MTHFD1L: variants seen among roughly 807,000 people sequenced by gnomAD.
MTHFD1L encodes the protein methylenetetrahydrofolate dehydrogenase (NADP+ dependent) 1 like.
Under a neutral mutation model 119.5 loss-of-function variants are expected in MTHFD1L, and 81 were observed. The ratio of observed to expected loss-of-function variants is 0.68; its 90% CI spans 0.57 to 0.82. MTHFD1L has a LOEUF of 0.82. Ranked by LOEUF, MTHFD1L falls within the 40% of genes least tolerant of loss-of-function variation. MTHFD1L has a pLI of 0.00. For synonymous variants in MTHFD1L, 430 were observed against 475.2 expected (o/e 0.90, Z 1.24); for missense variants, 1,125 against 1,253.4 (o/e 0.90, Z 1.55).
In MTHFD1L at chr6:151,029,756, A is replaced by G. The variant is rs140268853; in HGVS notation, c.2587-4737A>G. Reference sequence around the variant, plus strand: ...GGTTGCAGTCAGCCAAGATCTCGCCATTCCACTCCACCCTGGGTGACAGAG... The same window carrying G: ...GGTTGCAGTCAGCCAAGATCTCGCCGTTCCACTCCACCCTGGGTGACAGAG... On this transcript the variant is annotated intron_variant, in intron 24 of 27. Transcript: ENST00000367321. Among the ~76,000 whole-genome samples, 923 of 152,340 alleles carry G rather than the reference A, an allele frequency of 6.1e-3. 15 individuals carry two copies. Among genetic ancestry groups the G allele is most frequent in the African/African-American group, 0.02 (850 of 41,582 alleles).
intron 20 of MTHFD1L, among the ~76,000 whole-genome samples, chr6:150,980,831 T>G (rs1777383132): frequency 6.6e-6 from 1 of 152,148 alleles, no homozygotes; most frequent in Non-Finnish European, 1.5e-5. Flanking sequence ...GCTTCTCTCC[T>G]GATTTGAGTG....
chr6:150,881,638 A>G (rs1211512685), intron 4 of MTHFD1L, among the ~76,000 whole-genome samples: 1 of 151,978 alleles, frequency 6.6e-6, no homozygotes, highest in Admixed American at 6.6e-5. Flanking sequence ...CTTTTACCCC[A>G]CTGAACCTTT....
intron 2 of MTHFD1L, among the ~76,000 whole-genome samples, chr6:150,877,346 C>T (rs1389212796): frequency 1.3e-5 from 2 of 152,170 alleles, no homozygotes; most frequent in African/African-American, 4.8e-5. Context: ...GCCACTGTGC[C>T]CAGTCGGTGT....
At chr6:150,870,428 G>A (rs140736201) in intron 1 of MTHFD1L, among the ~76,000 whole-genome samples, 1,915 of 152,194 alleles carry the variant, frequency 0.013, 17 homozygotes, top group Non-Finnish European at 0.019. Flanking sequence ...TGGTAGTAGC[G>A]TTGAACTCCT....
intron 26 of MTHFD1L, among the ~76,000 whole-genome samples, chr6:151,087,603 T>G (rs1793943784): frequency 6.6e-6 from 1 of 152,244 alleles, no homozygotes; most frequent in African/African-American, 2.4e-5. Context: ...ATATTTTGGT[T>G]AAGAAAATTA....
chr6:150,906,121 A>C (rs545419141), intron 8 of MTHFD1L, among the ~76,000 whole-genome samples: 124 of 152,346 alleles, frequency 8.1e-4, no homozygotes, highest in Non-Finnish European at 1.5e-3. Flanking sequence ...TCTTCGTGGA[A>C]TCTCACTATG....
At chr6:150,905,114 A>G (rs1298863743) in intron 7 of MTHFD1L, among the ~76,000 whole-genome samples, 1 of 139,982 alleles carries the variant, frequency 7.1e-6, no homozygotes, top group Non-Finnish European at 1.5e-5. Flanking sequence ...GCTCACTGCA[A>G]CCTCTGCCTC....
intron 26 of MTHFD1L, among the ~76,000 whole-genome samples, chr6:151,081,202 G>T (rs1381493816): frequency 6.6e-6 from 1 of 152,162 alleles, no homozygotes; most frequent in African/African-American, 2.4e-5. Flanking sequence ...TTACGTCACA[G>T]GGTAGTCCTG....
chr6:150,909,029 G>A (rs1001957405), intron 8 of MTHFD1L, among the ~76,000 whole-genome samples: 2 of 151,838 alleles, frequency 1.3e-5, no homozygotes, highest in African/African-American at 4.8e-5. Context: ...CCTTACCCCC[G>A]TAAAAATAGA....
chr6:151,014,821 G>A, intron 22 of MTHFD1L, 59 bp from the exon 23 acceptor site: 2 of 1,349,072 alleles, frequency 1.5e-6, no homozygotes, highest in Non-Finnish European at 2.1e-6. Flanking sequence ...GTTTAGCTTG[G>A]CAGGTTTGGT....
At chr6:150,941,297 G>A (rs576841497) in intron 13 of MTHFD1L, among the ~76,000 whole-genome samples, 1 of 152,328 alleles carries the variant, frequency 6.6e-6, no homozygotes, top group South Asian at 2.1e-4. Flanking sequence ...CGGGAGTTGG[G>A]GGGGTTGAGG....
At position 150,923,534 on chromosome 6, in the gene MTHFD1L, T is replaced by TTTATTTATTTATTTA. The variant is rs1789388249; in HGVS notation, c.1082+1238_1082+1239insATTTATTTATTATTT. ...CTTTATTTATTTATTTATTTATTTA[T>TTTATTTATTTATTTA]TTATTTTTTCTTTTTTTTTTTTTTT... On this transcript the variant is annotated intron_variant, in intron 10 of 27. Transcript: ENST00000367321. Among the ~76,000 whole-genome samples the TTTATTTATTTATTTA allele has an allele frequency of 3.1e-5, 4 of 130,798 alleles. No individual in the cohort carries two copies. In the South Asian group the frequency reaches 9.1e-4, roughly 30 times the overall value. 85.8% of individuals were successfully genotyped at this position (130,798 alleles called of 152,430 possible).
intron 26 of MTHFD1L, among the ~76,000 whole-genome samples, chr6:151,049,453 C>T (rs1478968286): frequency 3.4e-5 from 5 of 145,302 alleles, no homozygotes; most frequent in Non-Finnish European, 1.5e-5. Context: ...GATCGCGCCA[C>T]TGCACTCCAG....
intron 26 of MTHFD1L, among the ~76,000 whole-genome samples, chr6:151,091,715 A>G (rs1161367356): frequency 1.3e-5 from 2 of 152,156 alleles, no homozygotes; most frequent in Admixed American, 1.3e-4. Flanking sequence ...ATTAAGTGTC[A>G]CAAAAGCAGT....
chr6:150,921,658 C>G (rs1355713174), intron 9 of MTHFD1L, among the ~76,000 whole-genome samples: 2 of 152,128 alleles, frequency 1.3e-5, no homozygotes, highest in African/African-American at 4.8e-5. Flanking sequence ...AACAATCCTC[C>G]CACCTCAGCC....
At chr6:150,909,291 A>C (rs11969030) in intron 8 of MTHFD1L, among the ~76,000 whole-genome samples, 8,818 of 152,046 alleles carry the variant, frequency 0.058, 889 homozygotes, top group African/African-American at 0.2. Flanking sequence ...AGACAACCAA[A>C]AAAACCTATT....
intron 13 of MTHFD1L, among the ~76,000 whole-genome samples, chr6:150,940,442 G>A (rs1366809971): frequency 6.6e-6 from 1 of 152,164 alleles, no homozygotes; most frequent in East Asian, 1.9e-4. Context: ...CCAGAACCAG[G>A]AGGCCAAATT....
intron 24 of MTHFD1L, among the ~76,000 whole-genome samples, chr6:151,021,374 C>A (rs1783923278): frequency 1.3e-5 from 2 of 152,092 alleles, no homozygotes; most frequent in African/African-American, 4.8e-5. Context: ...ATGGTGAAAC[C>A]CCATCTCTAC....
At chr6:151,092,143 G>A (rs1228299762) in intron 26 of MTHFD1L, among the ~76,000 whole-genome samples, 1 of 152,122 alleles carries the variant, frequency 6.6e-6, no homozygotes, top group African/African-American at 2.4e-5. Context: ...TGATGGGCTT[G>A]TCTTTGTTGG....
Sources: gnomAD v4.1 joint callset for allele counts (sites outside exome capture counted in the v4.1 genomes callset) on GRCh38, gnomAD v4.1.1 for gene constraint, MANE v1.5 for transcripts, NCBI Gene and HGNC (gene_info 2026-07-23, HGNC 2026-07-21) for gene names.